The following GNB5 variants were observed in gnomAD, a reference collection of about 807,000 sequenced individuals.
GNB5 encodes guanine nucleotide-binding protein subunit beta-5.
GNB5 carries 37 observed loss-of-function variants against 55.3 expected under a neutral mutation model. The observed-to-expected ratio is 0.67, with a 90% confidence interval of 0.51 to 0.88. The LOEUF (loss-of-function observed/expected upper bound fraction) is 0.88, where lower values mean the gene tolerates loss of function less well. Ranked by LOEUF, GNB5 falls within the 40% of genes least tolerant of loss-of-function variation. The pLI, the probability that GNB5 is intolerant of heterozygous loss-of-function variation, is 0.00. For synonymous variants in GNB5, 219 were observed against 198.5 expected (o/e 1.10, Z -0.87); for missense variants, 476 against 515.3 (o/e 0.92, Z 0.74).
intron 2 of GNB5, 82 bp from the exon 3 acceptor site, chr15:52,179,961 C>G: frequency 7.1e-7 from 1 of 1,401,140 alleles, no homozygotes; most frequent in Non-Finnish European, 9.3e-7. Flanking sequence ...AGCAGCCGTC[C>G]CCGGCCCCGA....
intron 2 of GNB5, among the ~76,000 whole-genome samples, chr15:52,181,851 T>A (rs575792801): frequency 6.6e-6 from 1 of 151,788 alleles, no homozygotes; most frequent in African/African-American, 2.4e-5. Context: ...GTATAAAAAA[T>A]ATATAAAATA....
At chr15:52,179,908 A>T in intron 2 of GNB5, 29 bp from the exon 3 acceptor site, 1 of 1,493,840 alleles carries the variant, frequency 6.7e-7, no homozygotes, top group South Asian at 1.2e-5. Flanking sequence ...CGGAGAGGGA[A>T]GCGGAGAGCG....
intron 5 of GNB5, chr15:52,149,542 T>C (rs1006557463): frequency 1.2e-5 from 7 of 564,802 alleles, no homozygotes; most frequent in Non-Finnish European, 1.9e-5. Flanking sequence ...GGAGAGAGAA[T>C]GGAGAATTTT....
At chr15:52,183,782 G>A (rs1025624612) in intron 2 of GNB5, among the ~76,000 whole-genome samples, 3 of 152,126 alleles carry the variant, frequency 2.0e-5, no homozygotes, top group Non-Finnish European at 4.4e-5. Flanking sequence ...ACTATTGAGC[G>A]CAGCTTTGCA....
chr15:52,184,261 T>C (rs1298213162), intron 2 of GNB5, among the ~76,000 whole-genome samples: 3 of 152,222 alleles, frequency 2.0e-5, no homozygotes, highest in Non-Finnish European at 4.4e-5. Context: ...AAAACTCTTA[T>C]GATGTAGGTG....
intron 4 of GNB5, among the ~76,000 whole-genome samples, chr15:52,152,513 C>T (rs910096050): frequency 1.2e-4 from 18 of 150,844 alleles, no homozygotes; most frequent in African/African-American, 4.1e-4. Flanking sequence ...TTAGTAGACA[C>T]GAGGTTTCAC....
intron 1 of GNB5, among the ~76,000 whole-genome samples, chr15:52,189,120 A>G (rs777309321): frequency 3.9e-5 from 6 of 152,162 alleles, no homozygotes; most frequent in Non-Finnish European, 5.9e-5. Flanking sequence ...TGCTTCATTA[A>G]CTCAATTAAA....
At chr15:52,165,083 T>A (rs927327004) in intron 3 of GNB5, among the ~76,000 whole-genome samples, 1 of 152,116 alleles carries the variant, frequency 6.6e-6, no homozygotes, top group African/African-American at 2.4e-5. Context: ...TAACAACAGC[T>A]GAACAGACCA....
chr15:52,134,511 G>C (rs1302087735), intron 8 of GNB5, among the ~76,000 whole-genome samples: 1 of 152,220 alleles, frequency 6.6e-6, no homozygotes, highest in Non-Finnish European at 1.5e-5. Context: ...TGCTCTGAAA[G>C]AGACAATATG....
At chr15:52,172,863 C>T (rs1344166280) in intron 3 of GNB5, among the ~76,000 whole-genome samples, 1 of 152,194 alleles carries the variant, frequency 6.6e-6, no homozygotes, top group Non-Finnish European at 1.5e-5. Flanking sequence ...TCCTTCCAGA[C>T]ATTTACTGCA....
At chr15:52,147,734 C>T (rs2034006908) in intron 5 of GNB5, among the ~76,000 whole-genome samples, 199 bp from the exon 6 acceptor site, 1 of 152,094 alleles carries the variant, frequency 6.6e-6, no homozygotes, top group African/African-American at 2.4e-5. Context: ...AGGCATGCGC[C>T]ACCATGCCAG....
chr15:52,158,223 C>G (rs948379889), intron 3 of GNB5, among the ~76,000 whole-genome samples: 9 of 152,106 alleles, frequency 5.9e-5, no homozygotes, highest in African/African-American at 1.9e-4. Context: ...CTGGCTCTGT[C>G]GCACACCAGC....
At chr15:52,182,170 C>T (rs1273163116) in intron 2 of GNB5, among the ~76,000 whole-genome samples, 2 of 152,150 alleles carry the variant, frequency 1.3e-5, no homozygotes, top group Non-Finnish European at 2.9e-5. Flanking sequence ...GAGAGCAGTG[C>T]GTGGCACACA....
intron 3 of GNB5, among the ~76,000 whole-genome samples, chr15:52,179,152 C>T (rs777562968): frequency 6.6e-6 from 1 of 152,170 alleles, no homozygotes; most frequent in African/African-American, 2.4e-5. Context: ...TCCACCACAT[C>T]GATCCAAAAG....
chr15:52,184,400 C>A, intron 2 of GNB5, 151 bp downstream of exon 2: 1 of 623,084 alleles, frequency 1.6e-6, no homozygotes, highest in South Asian at 2.0e-5. Context: ...GAGTCCACAC[C>A]CTGAACCTCT....
At chr15:52,170,317 G>A (rs933636799) in intron 3 of GNB5, among the ~76,000 whole-genome samples, 11 of 152,222 alleles carry the variant, frequency 7.2e-5, no homozygotes, top group Middle Eastern at 3.4e-3. Context: ...GAACCCAAAT[G>A]GTCATCAATG....
chr15:52,187,650 T>C (rs921046083), intron 1 of GNB5, among the ~76,000 whole-genome samples: 2 of 152,178 alleles, frequency 1.3e-5, no homozygotes, highest in Non-Finnish European at 2.9e-5. Context: ...ATGTTCATTA[T>C]AAATAACTGG....
At position 52,118,176 on chromosome 15, in the gene GNB5, C is replaced by G. The variant is rs934310147; in HGVS notation, c.*4581G>C. ...GCTCTCCTCAATCATCCTGTCACCT[C>G]TTTCTTTGCCAAGCTCTTCCAAGGC... On this transcript the variant is annotated 3_prime_UTR_variant, in exon 13 of 13. Transcript: ENST00000261837. The G allele has an allele frequency of 2.3e-4, 35 of 152,468 alleles. No individual in the cohort carries two copies. Among genetic ancestry groups the G allele is most frequent in the Non-Finnish European group, 4.1e-4 (28 of 68,162 alleles). The allele number at this position is 152,468 out of a possible 1,614,324, so 9.4% of individuals were successfully genotyped here.
At chr15:52,146,282 T>C (rs552159890) in intron 6 of GNB5, among the ~76,000 whole-genome samples, 1 of 152,278 alleles carries the variant, frequency 6.6e-6, no homozygotes, top group African/African-American at 2.4e-5. Flanking sequence ...TTTAAAAACA[T>C]GGCTGAGATA....
Sources: allele counts gnomAD v4.1 joint callset (sites outside exome capture counted in the v4.1 genomes callset), GRCh38; gene constraint gnomAD v4.1.1; transcripts MANE v1.5; gene names NCBI Gene and HGNC (gene_info 2026-07-23, HGNC 2026-07-21).